TULP2: variants seen among roughly 807,000 people sequenced by gnomAD.
TULP2 encodes the protein TUB like protein 2.
Under a neutral mutation model 60.3 loss-of-function variants are expected in TULP2, and 64 were observed. The observed-to-expected ratio is 1.06, with a 90% CI of 0.87 to 1.31. The LOEUF (loss-of-function observed/expected upper bound fraction) is 1.31. Among genes scored for constraint, TULP2 ranks in the 50% most tolerant of loss-of-function variants. The pLI, the probability that TULP2 is intolerant of heterozygous loss-of-function variation, is 0.00. For synonymous variants in TULP2, 267 were observed against 265.4 expected (o/e 1.01, Z -0.06); for missense variants, 652 against 667.0 (o/e 0.98, Z 0.25).
chr19:48,895,122 C>G lies in TULP2; in HGVS notation c.390G>C (p.Trp130Cys). 4.3e-6 allele frequency: 7 copies of G among 1,613,942 alleles called. No homozygotes were observed. Among genetic ancestry groups the G allele is most frequent in the Non-Finnish European group, 5.9e-6 (7 of 1,179,986 alleles). ...NLGLQSPFLSWLPDNSDAELE... is the reference protein window; with the variant it reads ...NLGLQSPFLSCLPDNSDAELE... ...ATTCTGCATCGGAATTGTCTGGGAG[C>G]CAGGATAAGAAAGGGGACTGGAGAC... The change falls in exon 6 of 13, where the codon TGG becomes TGC. Residue 130 changes from tryptophan (W) to cysteine (C), a missense_variant. By Grantham distance (215) the Trp-to-Cys change is radical. Transcript: ENST00000221399.
intron 8 of TULP2, among the ~76,000 whole-genome samples, chr19:48,886,079 G>A (rs1050711432): frequency 1.3e-5 from 2 of 151,680 alleles, no homozygotes; most frequent in Non-Finnish European, 2.9e-5. Context: ...GGCCCAGGCG[G>A]GCAGATCACG....
At chr19:48,891,415 G>A (rs1465609386) in intron 6 of TULP2, among the ~76,000 whole-genome samples, 2 of 151,900 alleles carry the variant, frequency 1.3e-5, no homozygotes, top group Admixed American at 6.6e-5. Context: ...GGCGGATCAC[G>A]AGGTCAGTAG....
chr19:48,884,687 T>G (rs1289594628), intron 9 of TULP2, among the ~76,000 whole-genome samples: 100 of 150,128 alleles, frequency 6.7e-4, no homozygotes, highest in African/African-American at 2.3e-3. Context: ...GGAGAATTGC[T>G]TGAACCTGGG....
In TULP2 at chr19:48,880,974, G is replaced by A; in HGVS notation, c.*37C>T. ...ATGAGGAGGCACAGAAGCTGGCAAGGGTATGGTATTTTATTGAGTTATTCA... is the reference window on the plus strand; with the variant it reads ...ATGAGGAGGCACAGAAGCTGGCAAGAGTATGGTATTTTATTGAGTTATTCA... On this transcript the variant is annotated 3_prime_UTR_variant, in exon 13 of 13. Transcript: ENST00000221399. The A allele has an allele frequency of 1.3e-6, 2 of 1,552,910 alleles. No individual in the cohort carries two copies. Among genetic ancestry groups the A allele is most frequent in the East Asian group, 2.3e-5 (1 of 44,444 alleles).
chr19:48,897,947 C>CTTTATTTA lies in TULP2; in HGVS notation c.-1-79_-1-78insTAAATAAA, dbSNP rs199995175. ...CTGCCCACCAGCACCTAATCTTTAGCCTTATTTATTTATTTATTTATTTAT... is the reference window on the plus strand; with the variant it reads ...CTGCCCACCAGCACCTAATCTTTAGCTTTATTTACTTATTTATTTATTTATTTATTTAT... On this transcript the variant is annotated intron_variant, in intron 1 of 12. Coordinates refer to ENST00000221399, the MANE Select transcript of TULP2 (RefSeq NM_003323.3). This position sits in a 1 kb window ranked among gnomAD's most constrained non-coding sequence, Gnocchi z 4.0. 18,520 of 797,198 alleles carry CTTTATTTA rather than the reference C, an allele frequency of 0.023. 385 individuals are homozygous for CTTTATTTA. The highest frequency in any genetic ancestry group is 0.025 in the Non-Finnish European group (13,717 of 541,122). 49.4% of individuals were successfully genotyped at this position (797,198 alleles called of 1,614,324 possible).
At position 48,884,192 on chromosome 19, in the gene TULP2, A is replaced by G. The variant is rs1018684148; in HGVS notation, c.1062-146T>C. 1.3e-5 allele frequency: 9 copies of G among 690,420 alleles called. No homozygotes were observed. In the African/African-American group the frequency reaches 1.4e-4, roughly 11 times the overall value. The allele number at this position is 690,420 out of a possible 1,614,324, so 42.8% of individuals were successfully genotyped here. On this transcript the variant is annotated intron_variant, in intron 9 of 12. Transcript: ENST00000221399. ...AAGAATCATGTTCCTGGCTGGGCACAGGGGCTCACACCTGTAATCCCAGCA... is the reference window on the plus strand; with the variant it reads ...AAGAATCATGTTCCTGGCTGGGCACGGGGGCTCACACCTGTAATCCCAGCA...
chr19:48,882,293 T>C (rs2037141851), intron 11 of TULP2, 90 bp from the exon 12 acceptor site: 3 of 1,443,020 alleles, frequency 2.1e-6, no homozygotes, highest in Non-Finnish European at 2.9e-6. Context: ...CAGGGGCGAC[T>C]CCATCTTGAA....
intron 6 of TULP2, among the ~76,000 whole-genome samples, chr19:48,893,891 C>T (rs2037255413): frequency 6.6e-6 from 1 of 152,054 alleles, no homozygotes; most frequent in African/African-American, 2.4e-5. Context: ...TACAAATGTT[C>T]TAAAATTGAT....
rs1230943672 is a variant in TULP2, at chr19:48,881,057, A to C, written c.1517T>G (p.Phe506Cys). The change falls in exon 13 of 13, where the codon TTT becomes TGT. Residue 506 changes from phenylalanine (F) to cysteine (C), a missense_variant. Physicochemically the swap from Phe to Cys is radical, Grantham distance 205 (BLOSUM62 -2). Coordinates refer to ENST00000221399, the MANE Select transcript of TULP2 (RefSeq NM_003323.3). The part of the protein sequence containing the change: ...DTFTMDFCFP[F>C]SPLQAFSICL... The stretch of plus-strand genomic sequence containing the variant: ...GATGCTGAAGGCCTGGAGCGGGCTA[A>C]ATGGAAAGCAGAAGTCCATGGTGAA... 2 of 1,613,978 alleles carry C rather than the reference A, an allele frequency of 1.2e-6. No homozygotes were observed. Among genetic ancestry groups the C allele is most frequent in the Admixed American group, 1.7e-5 (1 of 59,970 alleles).
rs374438051 is a variant in TULP2, at chr19:48,883,861, A to G, written c.1177-9T>C. The G allele has an allele frequency of 6.5e-5, 105 of 1,613,868 alleles. No individual in the cohort carries two copies. Among genetic ancestry groups the G allele is most frequent in the Non-Finnish European group, 8.6e-5 (101 of 1,180,002 alleles). ...CCTAAGACGTTGGGCTCCTGGGGGT[A>G]TTACATTCCAGTTGGCCTGGTTCCT... On this transcript the variant is annotated splice_polypyrimidine_tract_variant and intron_variant, in intron 10 of 12. Transcript: ENST00000221399.
chr19:48,889,952 C>A (rs2037217479), intron 6 of TULP2, among the ~76,000 whole-genome samples: 1 of 152,198 alleles, frequency 6.6e-6, no homozygotes, highest in Admixed American at 6.5e-5. Flanking sequence ...GGACCTCTGC[C>A]TAGGAAAGCC....
At position 48,888,049 on chromosome 19, in the gene TULP2, G is replaced by A; in HGVS notation, c.849C>T (p.Gly283=). 6.2e-7 allele frequency: 1 copy of A among 1,614,196 alleles called. No individual in the cohort carries two copies. The highest frequency in any genetic ancestry group is 8.5e-7 in the Non-Finnish European group (1 of 1,180,042). Residue 283 remains glycine (G), a synonymous_variant, in exon 8 of 13, where the codon GGC becomes GGT. Coordinates refer to ENST00000221399, the MANE Select transcript of TULP2 (RefSeq NM_003323.3). ...EAYVLRPALP[G]TMMQCYLTRD... is the part of the protein sequence containing the mutation. ...GGGTGAGGTAGCACTGCATCATGGT[G>A]CCCGGGAGCGCTGGCCGCAGCACGT...
At chr19:48,893,273 G>A (rs1040832135) in intron 6 of TULP2, among the ~76,000 whole-genome samples, 1 of 151,942 alleles carries the variant, frequency 6.6e-6, no homozygotes, top group African/African-American at 2.4e-5. Flanking sequence ...GGGAGGCTGA[G>A]GCAGGAGAAT....
At chr19:48,892,292 C>T (rs1328769879) in intron 6 of TULP2, among the ~76,000 whole-genome samples, 2 of 152,212 alleles carry the variant, frequency 1.3e-5, no homozygotes, top group Non-Finnish European at 2.9e-5. Flanking sequence ...TCCCTGCAGC[C>T]TTCCACAGTG....
intron 8 of TULP2, among the ~76,000 whole-genome samples, chr19:48,886,020 T>C (rs2037176077): frequency 6.6e-6 from 1 of 151,448 alleles, no homozygotes. Context: ...CAAGACTTAC[T>C]GGGAGGCCGG....
chr19:48,881,949 A>G (rs779126719), intron 12 of TULP2, 83 bp downstream of exon 12: 7 of 1,582,938 alleles, frequency 4.4e-6, no homozygotes, highest in Non-Finnish European at 6.1e-6. Context: ...CGCTCAAGTG[A>G]TGATGGGAGA....
At chr19:48,884,715 A>G (rs1034115586) in intron 9 of TULP2, among the ~76,000 whole-genome samples, 2 of 151,686 alleles carry the variant, frequency 1.3e-5, no homozygotes, top group Non-Finnish European at 1.5e-5. Flanking sequence ...GGTTGTAGTG[A>G]GCCGAGATTA....
intron 4 of TULP2, among the ~76,000 whole-genome samples, chr19:48,896,185 C>G (rs1028313111): frequency 4.6e-5 from 7 of 152,290 alleles, no homozygotes; most frequent in Admixed American, 3.9e-4. Context: ...TACCATGCCC[C>G]GCCCCTGCGC....
intron 9 of TULP2, among the ~76,000 whole-genome samples, chr19:48,884,378 A>C (rs1182150039): frequency 6.6e-6 from 1 of 152,164 alleles, no homozygotes; most frequent in African/African-American, 2.4e-5. Context: ...CCAGAGGTCA[A>C]GCCTCCAATG....
Sources: gnomAD v4.1 joint callset for allele counts (sites outside exome capture counted in the v4.1 genomes callset) on GRCh38, gnomAD v4.1.1 for gene constraint, Gnocchi (gnomAD v3.1) non-coding constraint, MANE v1.5 for transcripts, NCBI Gene and HGNC (gene_info 2026-07-23, HGNC 2026-07-21) for gene names.